SCNN1A: variants seen among roughly 807,000 people sequenced by gnomAD.
SCNN1A encodes sodium channel epithelial 1 subunit alpha, also known as epithelial sodium channel subunit alpha.
SCNN1A carries 65 observed loss-of-function variants against 68.6 expected under a neutral mutation model. The ratio of observed to expected loss-of-function variants is 0.95; its 90% confidence interval spans 0.78 to 1.16. The LOEUF (loss-of-function observed/expected upper bound fraction) is 1.16, where lower values mean the gene tolerates loss of function less well. Among genes scored for constraint, SCNN1A ranks in the 50% most tolerant of loss-of-function variants. The pLI, the probability that SCNN1A is intolerant of heterozygous loss-of-function variation, is 0.00. For missense variants in SCNN1A, 880 were observed against 865.9 expected, an observed-to-expected ratio of 1.02 and a Z score of -0.20; for synonymous variants, 357 against 353.3, an observed-to-expected ratio of 1.01 and a Z score of -0.12.
rs377583881 is a variant in SCNN1A at position 6,355,766 on chromosome 12, G to A, written c.979+11C>T. 6.3e-6 allele frequency: 10 copies of A among 1,574,954 alleles called. No homozygotes were observed. Among genetic ancestry groups the A allele is most frequent in the Non-Finnish European group, 8.7e-6 (10 of 1,144,350 alleles). On this transcript the variant is annotated intron_variant, in intron 5 of 12. Coordinates refer to ENST00000228916, the MANE Select transcript of SCNN1A (RefSeq NM_001038.6). ...CAGAGGGCGCCATGGAGCAAGCAGG[G>A]AGCTTCTCACCGTTGTTGATTCCAG... is the stretch of plus-strand genomic sequence containing the variant.
chr12:6,360,165 G>C (rs1213693378), intron 4 of SCNN1A, among the ~76,000 whole-genome samples: 2 of 152,224 alleles, frequency 1.3e-5, no homozygotes, highest in Non-Finnish European at 2.9e-5. Context: ...AAGTACAAAG[G>C]TTCCTGTAGT....
At chr12:6,354,673 C>G in intron 7 of SCNN1A, 77 bp downstream of exon 7, 1 of 1,447,126 alleles carries the variant, frequency 6.9e-7, no homozygotes, top group Non-Finnish European at 9.7e-7. Context: ...CTCTCACATA[C>G]ACAACCCCTC....
intron 2 of SCNN1A, among the ~76,000 whole-genome samples, chr12:6,370,199 C>T (rs1948763853): frequency 6.6e-6 from 1 of 152,210 alleles, no homozygotes; most frequent in Non-Finnish European, 1.5e-5. Flanking sequence ...GTTGAGGAAA[C>T]TGAGGCCTAT....
rs1351685955 is a variant in SCNN1A, at chr12:6,348,250, C to A, written c.1633G>T (p.Val545Phe). 6.2e-7 allele frequency: 1 copy of A among 1,613,934 alleles called. No individual in the cohort carries two copies. The highest frequency in any genetic ancestry group is 1.1e-5 in the South Asian group (1 of 91,066). Reference protein sequence around the residue: ...TNSESPSVTMVTLLSNLGSQW... With the variant: ...TNSESPSVTMFTLLSNLGSQW... ...CTGCCCAGGTTGGACAGGAGGGTGACCATCTGTGAGAGGAGAGGTACATTG... is the reference window on the plus strand; with the variant it reads ...CTGCCCAGGTTGGACAGGAGGGTGAACATCTGTGAGAGGAGAGGTACATTG... The change falls in exon 13 of 13, where the codon GTC (valine) becomes TTC (phenylalanine). Residue 545 changes from valine to phenylalanine, a missense_variant. This residue lies in a region of SCNN1A where 758 missense variants were observed against 721.8 expected (regional missense o/e 1.05). Coordinates refer to ENST00000228916, the MANE Select transcript of SCNN1A (RefSeq NM_001038.6).
intron 4 of SCNN1A, 81 bp from the exon 5 acceptor site, chr12:6,355,961 T>C (rs935484457): frequency 2.2e-6 from 2 of 911,648 alleles, no homozygotes; most frequent in Non-Finnish European, 3.7e-6. Flanking sequence ...GAGAGAAATG[T>C]CCACTCTCTT....
chr12:6,363,976 C>G (rs1948632237), intron 2 of SCNN1A: 1 of 346,982 alleles, frequency 2.9e-6, no homozygotes, highest in Non-Finnish European at 5.2e-6. Flanking sequence ...CGCCTGTCGT[C>G]TGTGGGGCGC....
In SCNN1A at chr12:6,372,277, TGA is replaced by T. The variant is rs1235803969; in HGVS notation, c.416+2089_416+2090del. On this transcript the variant is annotated intron_variant, in intron 2 of 12. Coordinates refer to ENST00000228916, the MANE Select transcript of SCNN1A (RefSeq NM_001038.6). This position sits in a 1 kb window ranked among gnomAD's most constrained non-coding sequence, Gnocchi z 5.8. ...CCTCCCTGGACTTGTCAGTATTAAATGAGAGAGTGTCTATAAAGCACCCAGCT... is the reference window on the plus strand; with the variant it reads ...CCTCCCTGGACTTGTCAGTATTAAATGAGAGTGTCTATAAAGCACCCAGCT... Among the ~76,000 whole-genome samples the T allele has an allele frequency of 3.3e-5, 5 of 152,346 alleles. No individual in the cohort carries two copies. The highest frequency in any genetic ancestry group is 5.9e-5 in the Non-Finnish European group (4 of 68,034).
intron 5 of SCNN1A, 94 bp from the exon 6 acceptor site, chr12:6,355,529 T>A: frequency 6.8e-7 from 1 of 1,460,558 alleles, no homozygotes; most frequent in Non-Finnish European, 9.4e-7. Context: ...GCCCAGTCTC[T>A]AAAGCTGCAA....
chr12:6,367,803 A>G (rs1358821919), intron 2 of SCNN1A, among the ~76,000 whole-genome samples: 5 of 152,228 alleles, frequency 3.3e-5, no homozygotes, highest in Admixed American at 3.3e-4. Flanking sequence ...TCTGGGCTGG[A>G]GCCAGAACAA....
In SCNN1A at chr12:6,351,675, GAGAA is replaced by G. The variant is rs1015811259; in HGVS notation, c.1361-2274_1361-2271del. The stretch of plus-strand genomic sequence containing the variant: ...TTCAGAATAGGCAAATCCATAGAGA[GAGAA>G]AGAAAGAATCGTGGTTGCCCAAGGG... On this transcript the variant is annotated intron_variant, in intron 8 of 12. Transcript: ENST00000228916. This position sits in a 1 kb window ranked among gnomAD's most constrained non-coding sequence, Gnocchi z 4.2. Among the ~76,000 whole-genome samples, 2 of 151,986 alleles carry G rather than the reference GAGAA, an allele frequency of 1.3e-5. No individual in the cohort carries two copies. Among genetic ancestry groups the G allele is most frequent in the African/African-American group, 4.8e-5 (2 of 41,394 alleles).
chr12:6,363,734 TC>T, intron 2 of SCNN1A, 24 bp from the exon 3 acceptor site: 1 of 1,581,866 alleles, frequency 6.3e-7, no homozygotes, highest in Non-Finnish European at 8.6e-7. Flanking sequence ...GGGAAGAGGG[TC>T]AGGCCAGGGG....
chr12:6,355,413 T>C lies in SCNN1A; in HGVS notation c.1002A>G (p.Ala334=). 3 of 1,614,008 alleles carry C rather than the reference T, an allele frequency of 1.9e-6. No individual in the cohort carries two copies. The highest frequency in any genetic ancestry group is 2.5e-6 in the Non-Finnish European group (3 of 1,180,012). Residue 334 remains alanine, a synonymous_variant, in exon 6 of 13, where the codon GCA becomes GCG. Coordinates refer to ENST00000228916, the MANE Select transcript of SCNN1A (RefSeq NM_001038.6). ...GCAGGGGAATGAAGTCATTCTGCTC[T>C]GCGCGCAGCATCAGGGACAGACCTA... ...INNGLSLMLR[A]EQNDFIPLLS... is the part of the protein sequence containing the mutation.
chr12:6,374,575 C>G lies in SCNN1A; in HGVS notation c.209G>C (p.Gly70Ala), dbSNP rs752951128. The part of the protein sequence containing the change: ...EFFCNNTTIH[G>A]AIRLVCSQHN... ...CTGGGAGCACACCAGGCGGATGGCG[C>G]CGTGGATGGTGGTGTTGTTGCAGAA... Residue 70 changes from glycine (G) to alanine (A), a missense_variant, in exon 2 of 13, where the codon GGC becomes GCC. Around this residue, in one of 3 missense-constraint regions of SCNN1A, gnomAD observed 45 missense variants for 76.7 expected, o/e 0.59. Transcript: ENST00000228916. The surrounding 1 kb of genome is among the most constrained non-coding windows in gnomAD (Gnocchi z 6.2). The G allele has an allele frequency of 6.2e-7, 1 of 1,614,050 alleles. No homozygotes were observed. The highest frequency in any genetic ancestry group is 8.5e-7 in the Non-Finnish European group (1 of 1,180,014).
chr12:6,372,912 C>T lies in SCNN1A; in HGVS notation c.416+1456G>A, dbSNP rs1175540755. 6.6e-6 allele frequency among the ~76,000 whole-genome samples: 1 copy of T among 152,230 alleles called. No homozygotes were observed. Among genetic ancestry groups the T allele is most frequent in the South Asian group, 2.1e-4 (1 of 4,836 alleles). ...GATTAGGCGTAAACAGGATGAGTCACAGCTCAGTCACTCTCTCTGTGATGT... is the reference window on the plus strand; with the variant it reads ...GATTAGGCGTAAACAGGATGAGTCATAGCTCAGTCACTCTCTCTGTGATGT... On this transcript the variant is annotated intron_variant, in intron 2 of 12. Coordinates refer to ENST00000228916, the MANE Select transcript of SCNN1A (RefSeq NM_001038.6). This position sits in a 1 kb window ranked among gnomAD's most constrained non-coding sequence, Gnocchi z 5.8.
intron 2 of SCNN1A, chr12:6,364,218 C>A (rs1382667736): frequency 1.3e-5 from 2 of 152,472 alleles, no homozygotes; most frequent in African/African-American, 4.8e-5. Flanking sequence ...GGATGCCCCA[C>A]CCACCCCGCC....
In SCNN1A at chr12:6,347,883, C is replaced by T. The variant is rs776691555; in HGVS notation, c.2000G>A (p.Gly667Glu). The T allele has an allele frequency of 1.2e-6, 2 of 1,602,272 alleles. No individual in the cohort carries two copies. Among genetic ancestry groups the T allele is most frequent in the Non-Finnish European group, 1.7e-6 (2 of 1,174,862 alleles). ...AGASSSTCPL[G>E]GP Reference sequence around the variant, plus strand: ...ACCTCTCCTTCCCTCTCAGGGCCCCCCCAGAGGACAGGTGGAGGAACTGGC... The same window carrying T: ...ACCTCTCCTTCCCTCTCAGGGCCCCTCCAGAGGACAGGTGGAGGAACTGGC... Residue 667 changes from glycine (G) to glutamate (E), a missense_variant, in exon 13 of 13, where the codon GGG (glycine) becomes GAG (glutamate). Transcript: ENST00000228916.
At chr12:6,369,251 C>T (rs1385690196) in intron 2 of SCNN1A, among the ~76,000 whole-genome samples, 1 of 151,984 alleles carries the variant, frequency 6.6e-6, no homozygotes, top group Non-Finnish European at 1.5e-5. Context: ...CCGGCTTCCT[C>T]CTCCATGCTG....
In SCNN1A at chr12:6,351,049, C is replaced by A. The variant is rs1346858218; in HGVS notation, c.1361-1644G>T. Among the ~76,000 whole-genome samples the A allele has an allele frequency of 6.6e-6, 1 of 152,088 alleles. No homozygotes were observed. Among genetic ancestry groups the A allele is most frequent in the Non-Finnish European group, 1.5e-5 (1 of 68,030 alleles). On this transcript the variant is annotated intron_variant, in intron 8 of 12. Coordinates refer to ENST00000228916, the MANE Select transcript of SCNN1A (RefSeq NM_001038.6). This position sits in a 1 kb window ranked among gnomAD's most constrained non-coding sequence, Gnocchi z 4.2. ...TAGCAATTCCATTCCTAGGTATATA[C>A]CCAAGAAAATGGAAAACATGCGTCC...
chr12:6,356,764 G>A (rs1460255423), intron 4 of SCNN1A, among the ~76,000 whole-genome samples: 1 of 152,200 alleles, frequency 6.6e-6, no homozygotes, highest in African/African-American at 2.4e-5. Context: ...GAGGATCTGT[G>A]TTCTGCTACC....
Sources: gnomAD v4.1 joint callset for allele counts (sites outside exome capture counted in the v4.1 genomes callset) on GRCh38, gnomAD v4.1.1 for gene constraint, gnomAD v4.1.1 regional missense constraint, Gnocchi (gnomAD v3.1) non-coding constraint, MANE v1.5 for transcripts, NCBI Gene and HGNC (gene_info 2026-07-23, HGNC 2026-07-21) for gene names.